IKZF4: variants seen among roughly 807,000 people sequenced by gnomAD.
IKZF4 encodes IKAROS family zinc finger 4.
In IKZF4, 11 loss-of-function variants were observed where a neutral mutation model predicts 47.7. The ratio of observed to expected loss-of-function variants is 0.23; its 90% CI spans 0.15 to 0.38. The LOEUF (loss-of-function observed/expected upper bound fraction) is 0.38, where lower values mean the gene tolerates loss of function less well. Ranked by LOEUF, IKZF4 falls within the 10% of genes least tolerant of loss-of-function variation. IKZF4 has a pLI of 1.00. For synonymous variants in IKZF4, 298 were observed against 299.4 expected (o/e 1.00, Z 0.05); for missense variants, 557 against 784.9 (o/e 0.71, Z 3.47).
intron 1 of IKZF4, chr12:56,007,882 GGGCCGGAGGGTTGGAAGAT>G (rs1890898020): frequency 6.5e-6 from 1 of 152,830 alleles, no homozygotes; most frequent in South Asian, 2.1e-4. Context: ...GGTTGGGCTG[GGGCCGGAGGGTTGGAAGAT>G]GGCCGGGGGA....
At chr12:56,012,300 G>A (rs1891426562) in intron 2 of IKZF4, among the ~76,000 whole-genome samples, 1 of 145,642 alleles carries the variant, frequency 6.9e-6, no homozygotes. Context: ...TTGAGACGGA[G>A]TTTTGTTCTT....
At position 56,026,951 on chromosome 12, in the gene IKZF4, C is replaced by T. The variant is rs1029640606; in HGVS notation, c.457C>T (p.Arg153Trp). 1 of 1,611,422 alleles carries T rather than the reference C, an allele frequency of 6.2e-7. No individual in the cohort carries two copies. The highest frequency in any genetic ancestry group is 8.5e-7 in the Non-Finnish European group (1 of 1,178,738). The change falls in exon 4 of 8, where the codon CGG becomes TGG. Residue 153 changes from arginine (R) to tryptophan (W), a missense_variant. Around this residue, in one of 6 missense-constraint regions of IKZF4, gnomAD observed 112 missense variants for 168.2 expected, o/e 0.67. Coordinates refer to ENST00000547167, the MANE Select transcript of IKZF4 (RefSeq NM_022465.4). ...GPEPHSPGGI[R>W]LPNGKLKCDV... ...AGAGCCTCACTCCCCTGGGGGCATC[C>T]GGCTGCCCAATGGCAAGCTCAAGTG...
chr12:56,032,550 C>T lies in IKZF4; in HGVS notation c.716-11C>T, dbSNP rs1312326761. 6.2e-7 allele frequency: 1 copy of T among 1,606,614 alleles called. No individual in the cohort carries two copies. The highest frequency in any genetic ancestry group is 1.3e-5 in the African/African-American group (1 of 74,738). ...ATAGCTCTGATGCCATCTTTCCACT[C>T]TCCTCCACAGTCTCCTCTCCCACAG... On this transcript the variant is annotated splice_polypyrimidine_tract_variant and intron_variant, in intron 5 of 7. Coordinates refer to ENST00000547167, the MANE Select transcript of IKZF4 (RefSeq NM_022465.4).
intron 1 of IKZF4, among the ~76,000 whole-genome samples, chr12:56,022,755 T>G (rs1017109778): frequency 1.3e-5 from 2 of 152,032 alleles, no homozygotes; most frequent in African/African-American, 4.8e-5. Flanking sequence ...TTTCTGGGCC[T>G]TAATTGGGAA....
chr12:56,025,983 T>C (rs944669443), intron 3 of IKZF4, among the ~76,000 whole-genome samples: 12 of 152,186 alleles, frequency 7.9e-5, no homozygotes, highest in South Asian at 2.1e-4. Context: ...TCGCCCAGGC[T>C]GGACTGCAGT....
chr12:56,008,670 A>AT (rs1340888376), intron 1 of IKZF4, among the ~76,000 whole-genome samples: 4 of 84,118 alleles, frequency 4.8e-5, no homozygotes, highest in Admixed American at 3.4e-4. Context: ...GCTTCCAGGA[A>AT]ATTTTTTTTT....
At chr12:56,029,461 G>A (rs2136686503) in intron 5 of IKZF4, among the ~76,000 whole-genome samples, 1 of 152,226 alleles carries the variant, frequency 6.6e-6, no homozygotes, top group Non-Finnish European at 1.5e-5. Flanking sequence ...GAATTAGTAG[G>A]GTCTGTCCTT....
chr12:56,028,369 C>CA (rs777637224), intron 5 of IKZF4, among the ~76,000 whole-genome samples: 6,236 of 133,986 alleles, frequency 0.047, 180 homozygotes, highest in Non-Finnish European at 0.067. Context: ...ACTAAAAATA[C>CA]AAAAAAAAAA....
chr12:56,026,795 G>A lies in IKZF4; in HGVS notation c.301G>A (p.Val101Met). 6.3e-7 allele frequency: 1 copy of A among 1,585,326 alleles called. No individual in the cohort carries two copies. Among genetic ancestry groups the A allele is most frequent in the African/African-American group, 1.3e-5 (1 of 74,218 alleles). The change falls in exon 4 of 8, where the codon GTG becomes ATG. Residue 101 changes from valine (V) to methionine (M), a missense_variant. Around this residue, in one of 6 missense-constraint regions of IKZF4, gnomAD observed 112 missense variants for 168.2 expected, o/e 0.67. Transcript: ENST00000547167. ...SRSLSANSIK[V>M]EMYSDEESSR... ...CCACCCCTCAGCCAACTCCATCAAG[G>A]TGGAGATGTACAGCGATGAGGAGTC...
intron 1 of IKZF4, chr12:56,010,106 GTT>G (rs900710936): frequency 6.6e-6 from 1 of 151,826 alleles, no homozygotes; most frequent in African/African-American, 2.4e-5. Context: ...TTCTAGCCTC[GTT>G]TTACTCTGTA....
chr12:56,026,693 A>G (rs1275900701), intron 3 of IKZF4, 88 bp from the exon 4 acceptor site: 152 of 1,132,046 alleles, frequency 1.3e-4, no homozygotes, highest in Non-Finnish European at 2.3e-6. Flanking sequence ...CCATCTCAAA[A>G]AAAAAAAAAA....
intron 1 of IKZF4, among the ~76,000 whole-genome samples, chr12:56,022,018 T>C (rs1893097007): frequency 6.6e-6 from 1 of 152,038 alleles, no homozygotes; most frequent in African/African-American, 2.4e-5. Flanking sequence ...GAGCTGAGGA[T>C]GGGCGTCTTT....
At chr12:56,033,126 A>G in intron 6 of IKZF4, 64 bp from the exon 7 acceptor site, 1 of 1,586,630 alleles carries the variant, frequency 6.3e-7, no homozygotes. Context: ...CTCCAGGCAA[A>G]GGCTGTGGGG....
rs1895723062 is a variant in IKZF4 at position 56,037,506 on chromosome 12, T to C, written c.*2175T>C. On this transcript the variant is annotated 3_prime_UTR_variant, in exon 8 of 8. Transcript: ENST00000547167. ...CCTACCGCCTCCCACCTCTTCTGTG[T>C]CTGCTGTGTATTTGGTGACACTTCA... The C allele has an allele frequency of 6.6e-6, 1 of 152,280 alleles. No homozygotes were observed. Among genetic ancestry groups the C allele is most frequent in the Non-Finnish European group, 1.5e-5 (1 of 68,068 alleles). The allele number at this position is 152,280 out of a possible 1,614,324, so 9.4% of individuals were successfully genotyped here.
Position 56,032,623 on chromosome 12 carries a change from C to T in IKZF4, c.778C>T (p.Gln260Ter). ...CTACTGTGGCCGGAGCTACAAACAGCAGAGTACCCTGGAGGAGCACAAGGA... is the reference window on the plus strand; with the variant it reads ...CTACTGTGGCCGGAGCTACAAACAGTAGAGTACCCTGGAGGAGCACAAGGA... Reference protein sequence around the residue: ...CNYCGRSYKQQSTLEEHKERC... With the variant: ...CNYCGRSYKQ The change falls in exon 6 of 8, where the codon CAG (glutamine) becomes TAG (stop). Residue 260 changes from glutamine (Q) to a stop codon, truncating the protein, a stop_gained. Coordinates refer to ENST00000547167, the MANE Select transcript of IKZF4 (RefSeq NM_022465.4). LOFTEE classifies it high-confidence loss of function. 6.2e-7 allele frequency: 1 copy of T among 1,614,022 alleles called. No individual in the cohort carries two copies. The highest frequency in any genetic ancestry group is 8.5e-7 in the Non-Finnish European group (1 of 1,179,886).
At chr12:56,024,461 C>T (rs139396504) in intron 2 of IKZF4, among the ~76,000 whole-genome samples, 1 of 152,164 alleles carries the variant, frequency 6.6e-6, no homozygotes, top group African/African-American at 2.4e-5. Context: ...TCTTTTGTAC[C>T]TCAGTTGCCT....
In IKZF4 at chr12:56,032,622, G is replaced by A; in HGVS notation, c.777G>A (p.Gln259=). 1 of 1,614,014 alleles carries A rather than the reference G, an allele frequency of 6.2e-7. No homozygotes were observed. The highest frequency in any genetic ancestry group is 8.5e-7 in the Non-Finnish European group (1 of 1,179,878). Residue 259 remains glutamine, a synonymous_variant, in exon 6 of 8, where the codon CAG becomes CAA. Coordinates refer to ENST00000547167, the MANE Select transcript of IKZF4 (RefSeq NM_022465.4). Reference sequence around the variant, plus strand: ...ACTACTGTGGCCGGAGCTACAAACAGCAGAGTACCCTGGAGGAGCACAAGG... The same window carrying A: ...ACTACTGTGGCCGGAGCTACAAACAACAGAGTACCCTGGAGGAGCACAAGG... ...KCNYCGRSYK[Q]QSTLEEHKER...
intron 2 of IKZF4, 48 bp downstream of exon 2, chr12:56,023,812 A>C (rs748588045): frequency 6.3e-7 from 1 of 1,594,008 alleles, no homozygotes; most frequent in South Asian, 1.1e-5. Flanking sequence ...TAATAGGTGG[A>C]CTTCAGGGAT....
rs756758480 is a variant in IKZF4 at position 56,033,255 on chromosome 12, A to G, written c.931A>G (p.Thr311Ala). 2.5e-6 allele frequency: 4 copies of G among 1,613,910 alleles called. No homozygotes were observed. Among genetic ancestry groups the G allele is most frequent in the Admixed American group, 3.3e-5 (2 of 60,006 alleles). Residue 311 changes from threonine (T) to alanine (A), a missense_variant, in exon 7 of 8, where the codon ACT (threonine) becomes GCT (alanine). By Grantham distance (58) the Thr-to-Ala change is moderately conservative. This residue lies in a region of IKZF4 where 280 missense variants were observed against 314.0 expected (regional missense o/e 0.89). Transcript: ENST00000547167. The stretch of plus-strand genomic sequence containing the variant: ...GCTGCACTCATCCTCTGAGCGGCCA[A>G]CTTTCATCGATCGTCTGGCCAATAG... ...SMLHSSSERP[T>A]FIDRLANSLT...
Sources: allele counts gnomAD v4.1 joint callset (sites outside exome capture counted in the v4.1 genomes callset), GRCh38; gene constraint gnomAD v4.1.1; regional missense constraint gnomAD v4.1.1; transcripts MANE v1.5; gene names NCBI Gene and HGNC (gene_info 2026-07-23, HGNC 2026-07-21).